The following PPFIA2 variants were observed in gnomAD, a reference collection of about 807,000 sequenced individuals.
PPFIA2 encodes PPFI scaffold protein A2, also known as liprin-alpha-2.
In PPFIA2, 46 loss-of-function variants were observed where a neutral mutation model predicts 175.5. The observed-to-expected ratio is 0.26, with a 90% confidence interval of 0.21 to 0.34. PPFIA2 has a LOEUF of 0.34. Among genes scored for constraint, PPFIA2 ranks in the 10% least tolerant of loss-of-function variants. PPFIA2 has a pLI of 1.00. For synonymous variants in PPFIA2, 568 were observed against 511.4 expected, an observed-to-expected ratio of 1.11 and a Z score of -1.49; for missense variants, 1,179 against 1,506.1, an observed-to-expected ratio of 0.78 and a Z score of 3.60.
chr12:81,533,798 TATG>T lies in PPFIA2; in HGVS notation c.304-75935_304-75933del, dbSNP rs1444734776. ...GTGTATATACAAATGTGTGTATATA[TATG>T]ATAATTTGTGAATTATCAGGATATA... On this transcript the variant is annotated intron_variant, in intron 4 of 32. Coordinates refer to ENST00000549396, the MANE Select transcript of PPFIA2 (RefSeq NM_003625.5). Among the ~76,000 whole-genome samples the T allele has an allele frequency of 1.3e-4, 19 of 151,282 alleles. 1 individual carries two copies. Among genetic ancestry groups the T allele is most frequent in the Non-Finnish European group, 1.5e-4 (10 of 67,582 alleles).
intron 4 of PPFIA2, among the ~76,000 whole-genome samples, chr12:81,620,759 T>C (rs1202664895): frequency 1.3e-5 from 2 of 152,170 alleles, no homozygotes; most frequent in African/African-American, 4.8e-5. Flanking sequence ...TCTAAGGTAA[T>C]CAGAATTGAG....
At chr12:81,598,017 T>G in intron 4 of PPFIA2, 1 of 1,535,130 alleles carries the variant, frequency 6.5e-7, no homozygotes, top group Non-Finnish European at 8.7e-7. Context: ...ACGGTGTTCA[T>G]ATCCGAGAAA....
chr12:81,584,173 A>T (rs540819943), intron 4 of PPFIA2, among the ~76,000 whole-genome samples: 1 of 151,872 alleles, frequency 6.6e-6, no homozygotes, highest in Non-Finnish European at 1.5e-5. Context: ...AGAACAGTGT[A>T]TGCAAATATT....
intron 8 of PPFIA2, among the ~76,000 whole-genome samples, chr12:81,394,424 C>T (rs1349047956): frequency 1.3e-5 from 2 of 151,740 alleles, no homozygotes; most frequent in Admixed American, 6.6e-5. Context: ...AATTTATTTT[C>T]TATTTTTAAA....
chr12:81,668,754 A>C (rs2070839439), intron 4 of PPFIA2, among the ~76,000 whole-genome samples: 1 of 151,976 alleles, frequency 6.6e-6, no homozygotes, highest in Admixed American at 6.6e-5. Context: ...TCTGTGGTGA[A>C]TATGTCTAAC....
chr12:81,635,972 A>T (rs2153505972), intron 4 of PPFIA2, among the ~76,000 whole-genome samples: 1 of 152,296 alleles, frequency 6.6e-6, no homozygotes, highest in South Asian at 2.1e-4. Context: ...TTAGAAACAA[A>T]GATATCTTGT....
At chr12:81,351,233 A>G (rs1025683881) in intron 17 of PPFIA2, among the ~76,000 whole-genome samples, 9 of 152,166 alleles carry the variant, frequency 5.9e-5, no homozygotes, top group Admixed American at 5.2e-4. Flanking sequence ...AATAGTTCAT[A>G]TCACCATATG....
At chr12:81,462,653 GA>G (rs1338301525) in intron 4 of PPFIA2, among the ~76,000 whole-genome samples, 1 of 145,926 alleles carries the variant, frequency 6.9e-6, no homozygotes, top group Non-Finnish European at 1.5e-5. Context: ...AAATTATTCA[GA>G]AAATCTTCTC....
At position 81,358,178 on chromosome 12, in the gene PPFIA2, C is replaced by A. The variant is rs1259788422; in HGVS notation, c.1677G>T (p.Val559=). The A allele has an allele frequency of 6.3e-7, 1 of 1,594,430 alleles. No homozygotes were observed. Among genetic ancestry groups the A allele is most frequent in the East Asian group, 2.3e-5 (1 of 43,960 alleles). ...CAGACTGGCTGTCCACTAGGGATCC[C>A]ACTGAGTACCGCAACTCAGCTGAGG... The part of the protein sequence containing the change: ...LDTSAELRYS[V]GSLVDSQSDY... Residue 559 remains valine (V), a synonymous_variant, in exon 16 of 33, where the codon GTG becomes GTT. Transcript: ENST00000549396.
intron 7 of PPFIA2, among the ~76,000 whole-genome samples, chr12:81,419,453 A>G (rs2045884040): frequency 6.6e-6 from 1 of 152,144 alleles, no homozygotes; most frequent in African/African-American, 2.4e-5. Flanking sequence ...TTCTTACAAT[A>G]AACATAAAGT....
chr12:81,608,659 C>A (rs1282674222), intron 4 of PPFIA2, among the ~76,000 whole-genome samples: 1 of 151,810 alleles, frequency 6.6e-6, no homozygotes, highest in Non-Finnish European at 1.5e-5. Flanking sequence ...TCATTTCTGA[C>A]TGTACTTATT....
At chr12:81,614,737 C>A (rs1258464838) in intron 4 of PPFIA2, among the ~76,000 whole-genome samples, 1 of 152,012 alleles carries the variant, frequency 6.6e-6, no homozygotes, top group South Asian at 2.1e-4. Context: ...AACAATGACC[C>A]CATAGTTACC....
At chr12:81,347,818 C>T (rs745499560) in intron 17 of PPFIA2, 48 bp from the exon 18 acceptor site, 1 of 1,591,498 alleles carries the variant, frequency 6.3e-7, no homozygotes, top group Admixed American at 1.9e-5. Context: ...TAATATGGAT[C>T]CATTATATGC....
chr12:81,629,421 T>TG (rs984123889), intron 4 of PPFIA2, among the ~76,000 whole-genome samples: 2 of 152,242 alleles, frequency 1.3e-5, no homozygotes, highest in African/African-American at 4.8e-5. Context: ...TTTTTGGGGT[T>TG]GGGGGAGGGC....
At chr12:81,393,387 G>C (rs1187692003) in intron 8 of PPFIA2, among the ~76,000 whole-genome samples, 1 of 152,006 alleles carries the variant, frequency 6.6e-6, no homozygotes, top group East Asian at 1.9e-4. Flanking sequence ...ATAAAATAAA[G>C]AATCAACACT....
At chr12:81,531,303 C>T (rs1024342531) in intron 4 of PPFIA2, among the ~76,000 whole-genome samples, 1 of 151,522 alleles carries the variant, frequency 6.6e-6, no homozygotes, top group Non-Finnish European at 1.5e-5. Flanking sequence ...TGATAATATC[C>T]CTGCCCTTCA....
chr12:81,503,343 A>C (rs1277117106), intron 4 of PPFIA2, among the ~76,000 whole-genome samples: 1 of 152,148 alleles, frequency 6.6e-6, no homozygotes, highest in Non-Finnish European at 1.5e-5. Context: ...AAAACAAAAC[A>C]AAAAACAAAC....
At position 81,341,142 on chromosome 12, in the gene PPFIA2, G is replaced by A; in HGVS notation, c.2329C>T (p.Pro777Ser). 1.2e-6 allele frequency: 2 copies of A among 1,611,580 alleles called. No individual in the cohort carries two copies. Among genetic ancestry groups the A allele is most frequent in the South Asian group, 2.2e-5 (2 of 91,008 alleles). ...GTCATTCTGAGGGCTCTAGGGGTAG[G>A]AGGAGGAGAAGTTTCACATTTAATT... ...ATIKCETSPP[P>S]TPRALRMTHT... The change falls in exon 20 of 33, where the codon CCT (proline) becomes TCT (serine). Residue 777 changes from proline (P) to serine (S), a missense_variant. Physicochemically the swap from Pro to Ser is moderately conservative, Grantham distance 74. This residue lies in a region of PPFIA2 where 223 missense variants were observed against 241.6 expected (regional missense o/e 0.92). Coordinates refer to ENST00000549396, the MANE Select transcript of PPFIA2 (RefSeq NM_003625.5).
chr12:81,693,674 T>A (rs895214050), intron 3 of PPFIA2, among the ~76,000 whole-genome samples: 2 of 152,114 alleles, frequency 1.3e-5, no homozygotes, highest in African/African-American at 4.8e-5. Flanking sequence ...TGTAACTGGG[T>A]AACGGGCAGA....
Sources: gnomAD v4.1 joint callset for allele counts (sites outside exome capture counted in the v4.1 genomes callset) on GRCh38, gnomAD v4.1.1 for gene constraint, gnomAD v4.1.1 regional missense constraint, MANE v1.5 for transcripts, NCBI Gene and HGNC (gene_info 2026-07-23, HGNC 2026-07-21) for gene names.